Variants in TOB2 observed in about 807,000 individuals in gnomAD.
TOB2 encodes the protein transducer of ERBB2, 2, also known as protein Tob2.
Under a neutral mutation model 17.3 loss-of-function variants are expected in TOB2, and 3 were observed. The ratio of observed to expected loss-of-function variants is 0.17; its 90% confidence interval spans 0.08 to 0.45. TOB2 has a LOEUF of 0.45. Ranked by LOEUF, TOB2 falls within the 20% of genes least tolerant of loss-of-function variation. TOB2 has a pLI of 0.99. For synonymous variants in TOB2, 163 were observed against 185.6 expected, an observed-to-expected ratio of 0.88 and a Z score of 0.99; for missense variants, 407 against 445.7, an observed-to-expected ratio of 0.91 and a Z score of 0.78.
rs1465809552 is a variant in TOB2, at chr22:41,445,013, C to T, written c.-63+1366G>A. ...GACTCGGCTCCAGCACCCCAAACAGCCAGGAAAGGAAAGGCAGGAATCAAA... is the reference window on the plus strand; with the variant it reads ...GACTCGGCTCCAGCACCCCAAACAGTCAGGAAAGGAAAGGCAGGAATCAAA... On this transcript the variant is annotated intron_variant, in intron 1 of 1. Coordinates refer to ENST00000327492, the MANE Select transcript of TOB2 (RefSeq NM_016272.4). Among the ~76,000 whole-genome samples, 4 of 152,170 alleles carry T rather than the reference C, an allele frequency of 2.6e-5. No homozygotes were observed. The East Asian group carries it at 5.8e-4, about 22-fold the overall frequency.
rs1212591738 is a variant in TOB2, at chr22:41,444,975, T to A, written c.-63+1404A>T. 3.9e-5 allele frequency among the ~76,000 whole-genome samples: 6 copies of A among 152,316 alleles called. No homozygotes were observed. In the East Asian group the frequency reaches 1.2e-3, roughly 29 times the overall value. ...TCAAAGGGAAACGGATCTTTTTCACTTAATGCCTAGCGGACTCGGCTCCAG... is the reference window on the plus strand; with the variant it reads ...TCAAAGGGAAACGGATCTTTTTCACATAATGCCTAGCGGACTCGGCTCCAG... On this transcript the variant is annotated intron_variant, in intron 1 of 1. Coordinates refer to ENST00000327492, the MANE Select transcript of TOB2 (RefSeq NM_016272.4).
At position 41,436,669 on chromosome 22, in the gene TOB2, C is replaced by T. The variant is rs754308260; in HGVS notation, c.677G>A (p.Ser226Asn). The T allele has an allele frequency of 7.8e-5, 126 of 1,613,860 alleles. No homozygotes were observed. The Admixed American group carries it at 2.1e-3, about 27-fold the overall frequency. ...QPRMARSPTN[S>N]LLKHKSLSLS... is the part of the protein sequence containing the mutation. Reference sequence around the variant, plus strand: ...AGAGAGGCTCTTGTGCTTCAGCAGGCTGTTGGTGGGTGAGCGGGCCATGCG... The same window carrying T: ...AGAGAGGCTCTTGTGCTTCAGCAGGTTGTTGGTGGGTGAGCGGGCCATGCG... The change falls in exon 2 of 2, where the codon AGC becomes AAC. Residue 226 changes from serine to asparagine, a missense_variant. Coordinates refer to ENST00000327492, the MANE Select transcript of TOB2 (RefSeq NM_016272.4). The surrounding 1 kb of genome is among the most constrained non-coding windows in gnomAD (Gnocchi z 4.8).
In TOB2 at chr22:41,436,722, C is replaced by T. The variant is rs149964843; in HGVS notation, c.624G>A (p.Ala208=). ...ASGGGVASSG[A]GGQQPPQQPR... ...GCTGCTGTGGTGGCTGCTGGCCACCCGCCCCACTGCTGGCTACACCCCCAC... is the reference window on the plus strand; with the variant it reads ...GCTGCTGTGGTGGCTGCTGGCCACCTGCCCCACTGCTGGCTACACCCCCAC... Residue 208 remains alanine, a synonymous_variant, in exon 2 of 2, where the codon GCG becomes GCA. Transcript: ENST00000327492. This position sits in a 1 kb window ranked among gnomAD's most constrained non-coding sequence, Gnocchi z 4.8. 1.7e-5 allele frequency: 28 copies of T among 1,613,012 alleles called. No homozygotes were observed. Among genetic ancestry groups the T allele is most frequent in the African/African-American group, 1.6e-4 (12 of 75,026 alleles).
At position 41,434,883 on chromosome 22, in the gene TOB2, C is replaced by A. The variant is rs2037528842; in HGVS notation, c.*1428G>T. On this transcript the variant is annotated 3_prime_UTR_variant, in exon 2 of 2. Transcript: ENST00000327492. ...GAGTGCTGAGTCCGTCAGGACACCACTCCTCGCAGCATCAAGGTCCAGTGG... is the reference window on the plus strand; with the variant it reads ...GAGTGCTGAGTCCGTCAGGACACCAATCCTCGCAGCATCAAGGTCCAGTGG... 6.6e-6 allele frequency: 1 copy of A among 152,668 alleles called. No individual in the cohort carries two copies. The highest frequency in any genetic ancestry group is 2.1e-4 in the South Asian group (1 of 4,826). The allele number at this position is 152,668 out of a possible 1,614,324, so 9.5% of individuals were successfully genotyped here.
chr22:41,439,832 G>A (rs1601849720), intron 1 of TOB2, among the ~76,000 whole-genome samples: 1 of 151,928 alleles, frequency 6.6e-6, no homozygotes, highest in East Asian at 1.9e-4. Context: ...GGCATTTTTG[G>A]GACTAAATCC....
rs758153147 is a variant in TOB2, at chr22:41,437,072, C to T, written c.274G>A (p.Val92Ile). The change falls in exon 2 of 2, where the codon GTC (valine) becomes ATC (isoleucine). Residue 92 changes from valine to isoleucine, a missense_variant. Coordinates refer to ENST00000327492, the MANE Select transcript of TOB2 (RefSeq NM_016272.4). ...GACACCTCAAAGGGATCAATCCAGA[C>T]ACTCAGCTCCTCAGGCACATTGGCC... ...VRANVPEELS[V>I]WIDPFEVSYQ... 1.9e-6 allele frequency: 3 copies of T among 1,614,160 alleles called. No individual in the cohort carries two copies. Among genetic ancestry groups the T allele is most frequent in the South Asian group, 2.2e-5 (2 of 91,086 alleles).
Position 41,436,194 on chromosome 22 carries a change from G to T in TOB2, c.*117C>A. ...CCTGGGCTGGATCTTTTTTCTAGAAGTAAGAGTGAGAAGATCGAAAATCTT... is the reference window on the plus strand; with the variant it reads ...CCTGGGCTGGATCTTTTTTCTAGAATTAAGAGTGAGAAGATCGAAAATCTT... On this transcript the variant is annotated 3_prime_UTR_variant, in exon 2 of 2. Coordinates refer to ENST00000327492, the MANE Select transcript of TOB2 (RefSeq NM_016272.4). The surrounding 1 kb of genome is among the most constrained non-coding windows in gnomAD (Gnocchi z 4.8). 1 of 1,336,738 alleles carries T rather than the reference G, an allele frequency of 7.5e-7. No homozygotes were observed. Among genetic ancestry groups the T allele is most frequent in the Non-Finnish European group, 9.8e-7 (1 of 1,016,750 alleles). The allele number at this position is 1,336,738 out of a possible 1,614,324, so 82.8% of individuals were successfully genotyped here.
Position 41,436,823 on chromosome 22 carries a change from T to C in TOB2, c.523A>G (p.Thr175Ala), listed in dbSNP as rs1601847091. 6.2e-7 allele frequency: 1 copy of C among 1,613,704 alleles called. No homozygotes were observed. The highest frequency in any genetic ancestry group is 8.5e-7 in the Non-Finnish European group (1 of 1,179,862). Residue 175 changes from threonine to alanine, a missense_variant, in exon 2 of 2, where the codon ACC becomes GCC. Physicochemically the swap from Thr to Ala is moderately conservative, Grantham distance 58. Transcript: ENST00000327492. The surrounding 1 kb of genome is among the most constrained non-coding windows in gnomAD (Gnocchi z 4.8). The part of the protein sequence containing the change: ...TFIPRSAQPI[T>A]FTTASFAATK... ...GCAGCGAAGGAGGCGGTGGTGAAGG[T>C]GATGGGCTGAGCGGAGCGGGGAATG...
intron 1 of TOB2, among the ~76,000 whole-genome samples, chr22:41,443,597 C>A (rs1569271284): frequency 6.7e-6 from 1 of 148,342 alleles, no homozygotes; most frequent in South Asian, 2.1e-4. Flanking sequence ...GGATTACAGG[C>A]GTGAGTCACT....
intron 1 of TOB2, among the ~76,000 whole-genome samples, chr22:41,440,753 C>A (rs1182362892): frequency 6.6e-6 from 1 of 151,946 alleles, no homozygotes; most frequent in African/African-American, 2.4e-5. Context: ...TTTTAGTACA[C>A]ACGGGGTTTC....
chr22:41,436,896 C>T lies in TOB2; in HGVS notation c.450G>A (p.Leu150=), dbSNP rs1357624200. The T allele has an allele frequency of 9.3e-6, 15 of 1,614,082 alleles. No individual in the cohort carries two copies. The highest frequency in any genetic ancestry group is 1.2e-5 in the Non-Finnish European group (14 of 1,180,042). ...CAAAGGATGGCGATGGGGAGTTGGA[C>T]AGGGAGCTGTCCTGGCTGCCAATGG... The part of the protein sequence containing the change: ...FVPIGSQDSS[L]SNSPSPSFGQ... The change falls in exon 2 of 2, where the codon CTG becomes CTA. Residue 150 remains leucine (L), a synonymous_variant. Coordinates refer to ENST00000327492, the MANE Select transcript of TOB2 (RefSeq NM_016272.4). The surrounding 1 kb of genome is among the most constrained non-coding windows in gnomAD (Gnocchi z 4.8).
At chr22:41,443,362 A>G (rs1020037824) in intron 1 of TOB2, among the ~76,000 whole-genome samples, 4 of 152,172 alleles carry the variant, frequency 2.6e-5, no homozygotes, top group African/African-American at 9.7e-5. Context: ...TCTGTAGCCC[A>G]GAGCTGGAGT....
chr22:41,444,205 C>T (rs2037654440), intron 1 of TOB2, among the ~76,000 whole-genome samples: 1 of 152,138 alleles, frequency 6.6e-6, no homozygotes, highest in African/African-American at 2.4e-5. Context: ...CGCCCCAACT[C>T]GCTGGTCCCA....
intron 1 of TOB2, among the ~76,000 whole-genome samples, chr22:41,445,743 C>T (rs1413808663): frequency 6.6e-6 from 1 of 152,208 alleles, no homozygotes; most frequent in African/African-American, 2.4e-5. Flanking sequence ...CTCACTGGCA[C>T]TGCTCTAAGG....
chr22:41,443,906 G>A (rs2037649751), intron 1 of TOB2, among the ~76,000 whole-genome samples: 1 of 152,160 alleles, frequency 6.6e-6, no homozygotes, highest in East Asian at 1.9e-4. Flanking sequence ...GATTACAGGC[G>A]TGAGCCACCG....
chr22:41,441,175 C>T (rs1319149280), intron 1 of TOB2, among the ~76,000 whole-genome samples: 2 of 151,742 alleles, frequency 1.3e-5, no homozygotes, highest in African/African-American at 2.4e-5. Flanking sequence ...ATTATCCAGG[C>T]GTGGTGGCAC....
At chr22:41,439,533 G>A (rs1445944884) in intron 1 of TOB2, among the ~76,000 whole-genome samples, 2 of 123,894 alleles carry the variant, frequency 1.6e-5, no homozygotes, top group South Asian at 2.5e-4. Context: ...GTATGTATGT[G>A]GAGACTGAGT....
Position 41,436,315 on chromosome 22 carries a change from T to G in TOB2, c.1031A>C (p.Asn344Thr). ...SQQFQPVVLA[N>T] ...GCCCCACGGGCAGGTAGATGGTCAG[T>G]TGGCCAGCACCACGGGCTGGAACTG... Residue 344 changes from asparagine (N) to threonine (T), a missense_variant, in exon 2 of 2, where the codon AAC becomes ACC. Asn to Thr is a moderately conservative substitution (Grantham distance 65). Coordinates refer to ENST00000327492, the MANE Select transcript of TOB2 (RefSeq NM_016272.4). This position sits in a 1 kb window ranked among gnomAD's most constrained non-coding sequence, Gnocchi z 4.8. The G allele has an allele frequency of 6.4e-7, 1 of 1,560,058 alleles. No individual in the cohort carries two copies. Among genetic ancestry groups the G allele is most frequent in the African/African-American group, 1.4e-5 (1 of 73,682 alleles).
intron 1 of TOB2, among the ~76,000 whole-genome samples, chr22:41,439,142 G>A (rs931983880): frequency 6.6e-6 from 1 of 152,132 alleles, no homozygotes; most frequent in East Asian, 1.9e-4. Context: ...GGGCAGCTCC[G>A]GGGCTCATGC....
Sources: allele counts gnomAD v4.1 joint callset (sites outside exome capture counted in the v4.1 genomes callset), GRCh38; gene constraint gnomAD v4.1.1; non-coding constraint Gnocchi (gnomAD v3.1); transcripts MANE v1.5; gene names NCBI Gene and HGNC (gene_info 2026-07-23, HGNC 2026-07-21).